The following CNTNAP2 variants were observed in gnomAD, a reference collection of about 807,000 sequenced individuals.
CNTNAP2 encodes contactin-associated protein-like 2.
In CNTNAP2, 98 loss-of-function variants were observed where a neutral mutation model predicts 155.2. That is an observed-to-expected ratio of 0.63 (90% CI 0.54 to 0.75). The LOEUF (loss-of-function observed/expected upper bound fraction) is 0.75, where lower values mean the gene tolerates loss of function less well. Ranked by LOEUF, CNTNAP2 falls within the 30% of genes least tolerant of loss-of-function variation. The pLI, the probability that CNTNAP2 is intolerant of heterozygous loss-of-function variation, is 0.00. For synonymous variants in CNTNAP2, 651 were observed against 631.2 expected (o/e 1.03, Z -0.47); for missense variants, 1,727 against 1,688.1 (o/e 1.02, Z -0.40).
intron 14 of CNTNAP2, among the ~76,000 whole-genome samples, chr7:147,920,084 C>T (rs1022532938): frequency 1.3e-5 from 2 of 151,814 alleles, no homozygotes; most frequent in Non-Finnish European, 2.9e-5. Flanking sequence ...CTTGGCCGGG[C>T]GCGGTGGCTC....
chr7:146,293,787 A>G (rs1800469467), intron 1 of CNTNAP2, among the ~76,000 whole-genome samples: 1 of 152,106 alleles, frequency 6.6e-6, no homozygotes, highest in Non-Finnish European at 1.5e-5. Context: ...TTATTAATAT[A>G]CTCTCAAAAA....
intron 22 of CNTNAP2, among the ~76,000 whole-genome samples, chr7:148,401,653 C>CA (rs1462219643): frequency 6.6e-6 from 1 of 151,442 alleles, no homozygotes; most frequent in Non-Finnish European, 1.5e-5. Flanking sequence ...GGCTGGAGTG[C>CA]AGTGGCACAA....
At chr7:147,479,191 C>T (rs1348912952) in intron 10 of CNTNAP2, among the ~76,000 whole-genome samples, 2 of 152,196 alleles carry the variant, frequency 1.3e-5, no homozygotes, top group East Asian at 1.9e-4. Flanking sequence ...CCAGGCTACT[C>T]AAGTCTAAAC....
chr7:147,595,685 G>A (rs77243226), intron 12 of CNTNAP2, among the ~76,000 whole-genome samples: 67 of 152,214 alleles, frequency 4.4e-4, no homozygotes, highest in Admixed American at 1.1e-3. Flanking sequence ...GATCATTTGC[G>A]TGCACAGCAC....
At chr7:146,730,251 C>G (rs1224886014) in intron 1 of CNTNAP2, among the ~76,000 whole-genome samples, 1 of 152,176 alleles carries the variant, frequency 6.6e-6, no homozygotes, top group East Asian at 1.9e-4. Flanking sequence ...GCTCTCTTTC[C>G]CTACTCCAAT....
intron 1 of CNTNAP2, among the ~76,000 whole-genome samples, chr7:146,668,650 CTT>C (rs1393936566): frequency 6.6e-6 from 1 of 152,018 alleles, no homozygotes; most frequent in Non-Finnish European, 1.5e-5. Flanking sequence ...TTTTGTGAGA[CTT>C]TTTATTACTG....
intron 14 of CNTNAP2, among the ~76,000 whole-genome samples, chr7:147,943,023 C>T (rs142092734): frequency 0.057 from 8,549 of 151,142 alleles, 304 homozygotes; most frequent in South Asian, 0.13. Flanking sequence ...GGCGACAAAG[C>T]GAGACTCCAT....
chr7:147,040,016 G>T (rs1799228213), intron 3 of CNTNAP2, among the ~76,000 whole-genome samples: 1 of 152,130 alleles, frequency 6.6e-6, no homozygotes, highest in Admixed American at 6.5e-5. Context: ...GAGTATAACA[G>T]ACAATCTATA....
intron 13 of CNTNAP2, among the ~76,000 whole-genome samples, chr7:147,878,191 C>T (rs1298508849): frequency 6.7e-6 from 1 of 148,792 alleles, no homozygotes; most frequent in Non-Finnish European, 1.5e-5. Flanking sequence ...TATAGGTATT[C>T]TATTTTATTA....
chr7:147,365,464 GT>G (rs1435039094), intron 9 of CNTNAP2, among the ~76,000 whole-genome samples: 1 of 145,908 alleles, frequency 6.9e-6, no homozygotes, highest in African/African-American at 2.5e-5. Flanking sequence ...TCTGGCTATT[GT>G]CACACATTAT....
At chr7:146,920,768 C>A (rs1796483114) in intron 3 of CNTNAP2, among the ~76,000 whole-genome samples, 1 of 152,086 alleles carries the variant, frequency 6.6e-6, no homozygotes, top group African/African-American at 2.4e-5. Flanking sequence ...TTTGGAAATG[C>A]CTTTGCAGAC....
At chr7:147,701,131 G>A (rs575778176) in intron 13 of CNTNAP2, among the ~76,000 whole-genome samples, 21 of 152,300 alleles carry the variant, frequency 1.4e-4, no homozygotes, top group African/African-American at 5.1e-4. Context: ...CATTTTGCTA[G>A]TGAGGTCTTT....
At chr7:148,279,249 C>G (rs1796930670) in intron 21 of CNTNAP2, among the ~76,000 whole-genome samples, 1 of 152,180 alleles carries the variant, frequency 6.6e-6, no homozygotes, top group African/African-American at 2.4e-5. Context: ...AGGATGGACA[C>G]TAAGAGACCA....
intron 21 of CNTNAP2, among the ~76,000 whole-genome samples, chr7:148,373,520 T>C (rs1798928253): frequency 6.6e-6 from 1 of 152,180 alleles, no homozygotes; most frequent in East Asian, 1.9e-4. Flanking sequence ...TTATGATAAA[T>C]GCCAGGCAAT....
chr7:147,801,045 T>A (rs532451554), intron 13 of CNTNAP2, among the ~76,000 whole-genome samples: 1 of 152,220 alleles, frequency 6.6e-6, no homozygotes, highest in East Asian at 1.9e-4. Context: ...TCAGAACATA[T>A]CCCCATTGGG....
chr7:146,733,419 AAAC>A (rs1340080108), intron 1 of CNTNAP2, among the ~76,000 whole-genome samples: 3 of 147,792 alleles, frequency 2.0e-5, no homozygotes, highest in Non-Finnish European at 4.5e-5. Context: ...TAACTGCAAA[AAAC>A]AAAAAACAAG....
chr7:147,067,997 T>G (rs1368787763), intron 4 of CNTNAP2, among the ~76,000 whole-genome samples: 1 of 152,232 alleles, frequency 6.6e-6, no homozygotes, highest in Non-Finnish European at 1.5e-5. Flanking sequence ...TGGTCTGGGC[T>G]GAGATTCAGG....
At chr7:146,727,337 C>T (rs1801448653) in intron 1 of CNTNAP2, among the ~76,000 whole-genome samples, 1 of 152,114 alleles carries the variant, frequency 6.6e-6, no homozygotes, top group Non-Finnish European at 1.5e-5. Context: ...TATAAATGCA[C>T]ATACTAATGG....
chr7:148,154,894 G>A (rs555454492), intron 17 of CNTNAP2, among the ~76,000 whole-genome samples: 87 of 151,512 alleles, frequency 5.7e-4, no homozygotes, highest in Non-Finnish European at 1.2e-3. Context: ...CCAAGATTGT[G>A]CCACTACACT....
Sources: allele counts gnomAD v4.1 joint callset (sites outside exome capture counted in the v4.1 genomes callset), GRCh38; gene constraint gnomAD v4.1.1; transcripts MANE v1.5; gene names NCBI Gene and HGNC (gene_info 2026-07-23, HGNC 2026-07-21).